KCNMB2: variants seen among roughly 807,000 people sequenced by gnomAD.
The protein encoded by KCNMB2 is potassium calcium-activated channel subfamily M regulatory beta subunit 2, also known as calcium-activated potassium channel subunit beta-2.
In KCNMB2, 9 loss-of-function variants were observed where a neutral mutation model predicts 24.5. The observed-to-expected ratio is 0.37, with a 90% CI of 0.22 to 0.64. KCNMB2 has a LOEUF of 0.64. KCNMB2 is among the 30% of genes least tolerant of loss of function. The pLI is 0.63. For synonymous variants in KCNMB2, 109 were observed against 104.4 expected (o/e 1.04, Z -0.27); for missense variants, 226 against 284.3 (o/e 0.79, Z 1.47).
At chr3:178,810,678 AT>A (rs376888614) in intron 2 of KCNMB2, among the ~76,000 whole-genome samples, 8 of 152,058 alleles carry the variant, frequency 5.3e-5, no homozygotes, top group African/African-American at 1.9e-4. Flanking sequence ...GTGGAGAAAT[AT>A]TTTTTTCTTC....
chr3:178,707,497 C>T (rs1395345965), intron 1 of KCNMB2, among the ~76,000 whole-genome samples: 1 of 152,026 alleles, frequency 6.6e-6, no homozygotes, highest in Non-Finnish European at 1.5e-5. Flanking sequence ...ATACTTGTGC[C>T]AATTTCGCAG....
chr3:178,565,859 T>C (rs1229057532), intron 1 of KCNMB2, among the ~76,000 whole-genome samples: 1 of 152,186 alleles, frequency 6.6e-6, no homozygotes, highest in Non-Finnish European at 1.5e-5. Context: ...CACTACAATA[T>C]TTAATAACAC....
At chr3:178,581,201 G>GA (rs1261986310) in intron 1 of KCNMB2, among the ~76,000 whole-genome samples, 3 of 152,168 alleles carry the variant, frequency 2.0e-5, no homozygotes, top group Non-Finnish European at 4.4e-5. Flanking sequence ...AGAGGCCTCA[G>GA]AAATAACATC....
intron 2 of KCNMB2, among the ~76,000 whole-genome samples, chr3:178,815,847 T>C (rs1325341798): frequency 6.6e-6 from 1 of 152,078 alleles, no homozygotes; most frequent in African/African-American, 2.4e-5. Flanking sequence ...ACTCAAATAA[T>C]AACCCACATT....
chr3:178,601,402 G>C (rs999663655), intron 1 of KCNMB2, among the ~76,000 whole-genome samples: 1 of 152,102 alleles, frequency 6.6e-6, no homozygotes, highest in Admixed American at 6.6e-5. Flanking sequence ...AAGGTCTTTA[G>C]AACCTCCCCA....
chr3:178,586,988 C>T (rs1373801500), intron 1 of KCNMB2, among the ~76,000 whole-genome samples: 1 of 152,042 alleles, frequency 6.6e-6, no homozygotes, highest in African/African-American at 2.4e-5. Context: ...TTAAAACCAC[C>T]TTTTGGATAC....
chr3:178,819,550 C>T (rs1714545822), intron 2 of KCNMB2, among the ~76,000 whole-genome samples: 1 of 151,790 alleles, frequency 6.6e-6, no homozygotes, highest in Admixed American at 6.6e-5. Context: ...GCTTCCTCTG[C>T]CCGCTAGTCT....
chr3:178,718,489 G>C (rs949280615), intron 1 of KCNMB2, among the ~76,000 whole-genome samples: 1 of 152,132 alleles, frequency 6.6e-6, no homozygotes, highest in Non-Finnish European at 1.5e-5. Context: ...CATTTCCTTC[G>C]TGTTCCCCCA....
intron 1 of KCNMB2, among the ~76,000 whole-genome samples, chr3:178,596,565 A>G (rs1201189252): frequency 6.6e-6 from 1 of 152,054 alleles, no homozygotes; most frequent in African/African-American, 2.4e-5. Context: ...AGACAATATC[A>G]AACATGAGCC....
At chr3:178,661,938 T>C (rs1560153919) in intron 1 of KCNMB2, among the ~76,000 whole-genome samples, 1 of 152,136 alleles carries the variant, frequency 6.6e-6, no homozygotes, top group Non-Finnish European at 1.5e-5. Context: ...TATTATCCCA[T>C]TTTACAGATG....
intron 4 of KCNMB2, among the ~76,000 whole-genome samples, chr3:178,833,383 C>T (rs1715113225): frequency 3.9e-5 from 6 of 152,192 alleles, no homozygotes; most frequent in Admixed American, 3.9e-4. Context: ...ATTTGGCTCA[C>T]TTTCCTGGCC....
At chr3:178,708,973 T>G (rs1285463239) in intron 1 of KCNMB2, among the ~76,000 whole-genome samples, 1 of 152,162 alleles carries the variant, frequency 6.6e-6, no homozygotes, top group Non-Finnish European at 1.5e-5. Context: ...ACCTTCTTTA[T>G]CAACATTCCC....
At chr3:178,642,048 A>G (rs1321577975) in intron 1 of KCNMB2, among the ~76,000 whole-genome samples, 1 of 152,190 alleles carries the variant, frequency 6.6e-6, no homozygotes, top group Non-Finnish European at 1.5e-5. Context: ...CAGGTAAAAT[A>G]AATTACTGCA....
At chr3:178,758,010 T>TCTCCAAGAGG (rs1724225096) in intron 1 of KCNMB2, among the ~76,000 whole-genome samples, 3 of 1,594 alleles carry the variant, frequency 1.9e-3, no homozygotes, top group South Asian at 0.071. Context: ...TAGATATATA[T>TCTCCAAGAGG]ATATATATAT....
At chr3:178,575,692 G>T (rs1716963811) in intron 1 of KCNMB2, among the ~76,000 whole-genome samples, 1 of 152,186 alleles carries the variant, frequency 6.6e-6, no homozygotes. Flanking sequence ...TCCCATGCCA[G>T]GTAGGCATCC....
In KCNMB2 at chr3:178,727,299, C is replaced by T. The variant is rs140047123; in HGVS notation, c.-67-80044C>T. On this transcript the variant is annotated intron_variant, in intron 1 of 4. Coordinates refer to ENST00000452583, the MANE Select transcript of KCNMB2 (RefSeq NM_181361.3). Reference sequence around the variant, plus strand: ...CTATATACCTGAATAATTTTAGTTTCGCCTTTTAGGACTCAAATAAATTGT... The same window carrying T: ...CTATATACCTGAATAATTTTAGTTTTGCCTTTTAGGACTCAAATAAATTGT... 5.3e-4 allele frequency among the ~76,000 whole-genome samples: 81 copies of T among 152,084 alleles called. 1 individual carries two copies. The East Asian group carries it at 7.7e-3, about 15-fold the overall frequency.
intron 1 of KCNMB2, among the ~76,000 whole-genome samples, chr3:178,631,772 C>T (rs1719330824): frequency 6.6e-6 from 1 of 152,002 alleles, no homozygotes; most frequent in Admixed American, 6.5e-5. Context: ...ACTCCTTTGG[C>T]TAATTAATTT....
intron 1 of KCNMB2, among the ~76,000 whole-genome samples, chr3:178,755,000 G>T (rs1238212681): frequency 6.6e-6 from 1 of 152,226 alleles, no homozygotes; most frequent in African/African-American, 2.4e-5. Context: ...TTAAAGCTCA[G>T]TGCAGAGCAG....
intron 1 of KCNMB2, among the ~76,000 whole-genome samples, chr3:178,547,673 C>A (rs1403125146): frequency 1.3e-5 from 2 of 152,056 alleles, no homozygotes; most frequent in Non-Finnish European, 2.9e-5. Flanking sequence ...TTCTTTTTAT[C>A]TTTTCTCCTT....
Sources: gnomAD v4.1 joint callset for allele counts (sites outside exome capture counted in the v4.1 genomes callset) on GRCh38, gnomAD v4.1.1 for gene constraint, MANE v1.5 for transcripts, NCBI Gene and HGNC (gene_info 2026-07-23, HGNC 2026-07-21) for gene names.